PTK2B: variants seen among roughly 807,000 people sequenced by gnomAD.
PTK2B encodes the protein protein tyrosine kinase 2 beta, also known as protein-tyrosine kinase 2-beta.
In PTK2B, 71 loss-of-function variants were observed where a neutral mutation model predicts 142.9. The observed-to-expected ratio is 0.50, with a 90% CI of 0.41 to 0.61. The LOEUF is 0.61. Ranked by LOEUF, PTK2B falls within the 20% of genes least tolerant of loss-of-function variation. The pLI is 0.00. For synonymous variants in PTK2B, 519 were observed against 503.4 expected, an observed-to-expected ratio of 1.03 and a Z score of -0.42; for missense variants, 1,105 against 1,320.4, an observed-to-expected ratio of 0.84 and a Z score of 2.53.
chr8:27,458,419 A>G lies in PTK2B; in HGVS notation c.2940A>G (p.Ser980=), dbSNP rs55875819. ...GCAAGAGGCAGATGCTGACGGCTTC[A>G]CACACCCTGGCTGTGGACGCCAAGA... The part of the protein sequence containing the change: ...EECKRQMLTA[S]HTLAVDAKNL... Residue 980 remains serine (S), a synonymous_variant, in exon 31 of 31, where the codon TCA becomes TCG. Coordinates refer to ENST00000346049, the MANE Select transcript of PTK2B (RefSeq NM_173176.3). 7,033 of 1,611,952 alleles carry G rather than the reference A, an allele frequency of 4.4e-3. 187 individuals are homozygous for G. In the Admixed American group the frequency reaches 0.062, roughly 14 times the overall value.
At chr8:27,342,170 A>G (rs1376241503) in intron 1 of PTK2B, among the ~76,000 whole-genome samples, 2 of 152,104 alleles carry the variant, frequency 1.3e-5, no homozygotes. Context: ...TCCATTCCTT[A>G]GGGGTGTGTA....
chr8:27,449,555 G>T (rs1019832), intron 24 of PTK2B, among the ~76,000 whole-genome samples: 1 of 152,152 alleles, frequency 6.6e-6, no homozygotes, highest in Non-Finnish European at 1.5e-5. Flanking sequence ...CCACTTCAAA[G>T]GCAAGGAACT....
At chr8:27,427,301 C>A (rs940391109) in intron 5 of PTK2B, among the ~76,000 whole-genome samples, 2 of 152,184 alleles carry the variant, frequency 1.3e-5, no homozygotes, top group Non-Finnish European at 2.9e-5. Context: ...CATCTTGAAG[C>A]CTTTTCTGCC....
At chr8:27,394,469 T>TG (rs1333879541) in intron 1 of PTK2B, among the ~76,000 whole-genome samples, 3 of 152,186 alleles carry the variant, frequency 2.0e-5, no homozygotes, top group African/African-American at 7.2e-5. Flanking sequence ...AGATAAAAAA[T>TG]GGTGCACCGG....
intron 1 of PTK2B, among the ~76,000 whole-genome samples, chr8:27,340,047 A>G (rs983711315): frequency 4.6e-5 from 7 of 152,170 alleles, no homozygotes; most frequent in African/African-American, 1.7e-4. Flanking sequence ...CATGTTTCCT[A>G]TTTTTGAGAA....
At chr8:27,420,137 G>A (rs1809655957) in intron 3 of PTK2B, 64 bp downstream of exon 3, 10 of 1,585,538 alleles carry the variant, frequency 6.3e-6, no homozygotes, top group Non-Finnish European at 8.6e-6. Context: ...GGAGGCCCTG[G>A]GAGTTTCTCC....
chr8:27,343,830 T>A (rs1298686228), intron 1 of PTK2B, among the ~76,000 whole-genome samples: 2 of 151,990 alleles, frequency 1.3e-5, no homozygotes, highest in South Asian at 2.1e-4. Flanking sequence ...GGTGAAACCC[T>A]GTCTCTACTA....
chr8:27,419,769 C>T lies in PTK2B; in HGVS notation c.205-126C>T, dbSNP rs542803320. ...AATCTTCCCCTAAATGCTAGAGAAT[C>T]AGAGACAAATCGAACATGAAGACAG... On this transcript the variant is annotated intron_variant, in intron 2 of 30. Transcript: ENST00000346049. The T allele has an allele frequency of 7.0e-6, 7 of 1,000,020 alleles. No individual in the cohort carries two copies. In the Admixed American group the frequency reaches 1.5e-4, roughly 22 times the overall value. 61.9% of individuals were successfully genotyped at this position (1,000,020 alleles called of 1,614,324 possible).
intron 23 of PTK2B, among the ~76,000 whole-genome samples, chr8:27,444,875 A>G (rs572613928): frequency 1.3e-5 from 2 of 152,286 alleles, no homozygotes; most frequent in Non-Finnish European, 2.9e-5. Context: ...CTCAACCACC[A>G]GAAATAATGT....
intron 5 of PTK2B, among the ~76,000 whole-genome samples, chr8:27,429,753 A>G (rs1810292707): frequency 6.6e-6 from 1 of 152,194 alleles, no homozygotes; most frequent in Admixed American, 6.5e-5. Flanking sequence ...GGTGAAGGTC[A>G]GTGTTCCTAG....
chr8:27,334,814 C>T (rs1388316478), intron 1 of PTK2B, among the ~76,000 whole-genome samples: 3 of 152,146 alleles, frequency 2.0e-5, no homozygotes, highest in African/African-American at 7.2e-5. Flanking sequence ...AATTCTTGCC[C>T]TGTGGTTAGG....
intron 5 of PTK2B, among the ~76,000 whole-genome samples, chr8:27,428,147 T>A (rs1398728154): frequency 6.6e-6 from 1 of 152,092 alleles, no homozygotes. Context: ...GAAACCTAGA[T>A]CCCTCACATA....
At chr8:27,376,803 G>T (rs942612889) in intron 1 of PTK2B, among the ~76,000 whole-genome samples, 3 of 152,184 alleles carry the variant, frequency 2.0e-5, no homozygotes, top group African/African-American at 7.2e-5. Context: ...TCCACCCTTT[G>T]TTTAGCATGT....
chr8:27,330,208 A>G (rs1224369012), intron 1 of PTK2B, among the ~76,000 whole-genome samples: 2 of 152,234 alleles, frequency 1.3e-5, no homozygotes, highest in African/African-American at 4.8e-5. Flanking sequence ...GAAGTACAAT[A>G]AAACATTCAG....
At chr8:27,314,355 C>T (rs1563451798) in intron 3 of PTK2B, among the ~76,000 whole-genome samples, 2 of 152,122 alleles carry the variant, frequency 1.3e-5, no homozygotes, top group African/African-American at 2.4e-5. Context: ...TTTGGGAGGT[C>T]GAAGAAGGCC....
chr8:27,337,436 C>T (rs2129859567), intron 1 of PTK2B, among the ~76,000 whole-genome samples: 1 of 152,264 alleles, frequency 6.6e-6, no homozygotes, highest in African/African-American at 2.4e-5. Flanking sequence ...GCGCCTGGCC[C>T]TCCATCACTG....
chr8:27,311,486 T>G, exon 1 of PTK2B: 1 of 552,330 alleles, frequency 1.8e-6, no homozygotes, highest in Non-Finnish European at 3.1e-6. Context: ...CTGCCCGCAG[T>G]TCCCGCCTCC....
At position 27,458,142 on chromosome 8, in the gene PTK2B, G is replaced by T. The variant is rs1586377201; in HGVS notation, c.2815-152G>T. 7.0e-6 allele frequency: 5 copies of T among 717,874 alleles called. No individual in the cohort carries two copies. In the Admixed American group the frequency reaches 7.7e-5, roughly 11 times the overall value. 44.5% of individuals were successfully genotyped at this position (717,874 alleles called of 1,614,324 possible). A position where few individuals can be genotyped will look rare whatever the true frequency, so the allele number is the denominator to read the frequency against. On this transcript the variant is annotated intron_variant, in intron 30 of 30. Transcript: ENST00000346049. ...CAGACCTGACTCGACCCTGCACGGG[G>T]TGTTGCATTCAGCCCTCTCCTAGGT...
At chr8:27,438,651 G>A (rs902409305) in intron 18 of PTK2B, among the ~76,000 whole-genome samples, 9 of 152,234 alleles carry the variant, frequency 5.9e-5, no homozygotes, top group Non-Finnish European at 1.2e-4. Context: ...CCAGGTGACA[G>A]CCTCCCTGGC....
Sources: gnomAD v4.1 joint callset for allele counts (sites outside exome capture counted in the v4.1 genomes callset) on GRCh38, gnomAD v4.1.1 for gene constraint, MANE v1.5 for transcripts, NCBI Gene and HGNC (gene_info 2026-07-23, HGNC 2026-07-21) for gene names.